The following HIRA variants were observed in gnomAD, a reference collection of about 807,000 sequenced individuals.
HIRA encodes the protein protein HIRA.
HIRA carries 13 observed loss-of-function variants against 126.6 expected under a neutral mutation model. That is an observed-to-expected ratio of 0.10 (90% CI 0.07 to 0.16). The LOEUF (loss-of-function observed/expected upper bound fraction) is 0.16. HIRA is among the 10% of genes least tolerant of loss of function. The pLI, the probability that HIRA is intolerant of heterozygous loss-of-function variation, is 1.00. For synonymous variants in HIRA, 511 were observed against 520.0 expected (o/e 0.98, Z 0.24); for missense variants, 834 against 1,314.4 (o/e 0.63, Z 5.65).
intron 15 of HIRA, among the ~76,000 whole-genome samples, chr22:19,363,940 G>C (rs988722682): frequency 1.3e-5 from 2 of 152,138 alleles, no homozygotes; most frequent in African/African-American, 4.8e-5. Context: ...GATATATAAT[G>C]ATGAATATAT....
intron 12 of HIRA, among the ~76,000 whole-genome samples, chr22:19,384,565 G>A (rs1024038720): frequency 6.6e-6 from 1 of 151,858 alleles, no homozygotes; most frequent in Non-Finnish European, 1.5e-5. Context: ...TGGCCGCCTC[G>A]CACAACAGCC....
intron 24 of HIRA, among the ~76,000 whole-genome samples, chr22:19,333,922 A>G (rs2088526161): frequency 6.6e-6 from 1 of 151,184 alleles, no homozygotes; most frequent in Non-Finnish European, 1.5e-5. Flanking sequence ...TAAACTCCAG[A>G]TTTCTGTTTA....
In HIRA at chr22:19,385,679, G is replaced by C; in HGVS notation, c.1171C>G (p.Leu391Val). The change falls in exon 12 of 25, where the codon CTC becomes GTC. Residue 391 changes from leucine to valine, a missense_variant. Leu to Val is a conservative substitution (Grantham distance 32). Coordinates refer to ENST00000263208, the MANE Select transcript of HIRA (RefSeq NM_003325.4). The stretch of plus-strand genomic sequence containing the variant: ...GGGTTCTCAATGACGGCTGTGGAGA[G>C]CTGGGCCTCGGTCATGATGGCTAGG... ...KSLAIMTEAQ[L>V]STAVIENPEM... is the part of the protein sequence containing the mutation. 1.2e-6 allele frequency: 2 copies of C among 1,614,202 alleles called. No homozygotes were observed. Among genetic ancestry groups the C allele is most frequent in the Non-Finnish European group, 1.7e-6 (2 of 1,180,034 alleles).
chr22:19,416,082 TG>T (rs1283661013), intron 1 of HIRA, among the ~76,000 whole-genome samples: 6 of 152,142 alleles, frequency 3.9e-5, no homozygotes, highest in Non-Finnish European at 7.4e-5. Context: ...TAAACTGTTG[TG>T]TATATGATCA....
chr22:19,407,055 G>T, intron 4 of HIRA, 129 bp downstream of exon 4: 1 of 714,866 alleles, frequency 1.4e-6, no homozygotes, highest in African/African-American at 1.7e-5. Context: ...TGACCTACAT[G>T]CACTTTCCAC....
chr22:19,374,942 T>C (rs2089003852), intron 15 of HIRA, among the ~76,000 whole-genome samples: 1 of 152,192 alleles, frequency 6.6e-6, no homozygotes, highest in South Asian at 2.1e-4. Context: ...GATGTGAACT[T>C]AGCTCCTTGT....
chr22:19,390,625 A>AAAAAAAAAAAAG (rs1569304503), intron 9 of HIRA, among the ~76,000 whole-genome samples: 4 of 148,658 alleles, frequency 2.7e-5, no homozygotes, highest in Admixed American at 6.7e-5. Flanking sequence ...AAAAAAAAAA[A>AAAAAAAAAAAAG]AAGAAGCTGA....
At chr22:19,378,961 G>T (rs1193934801) in intron 13 of HIRA, among the ~76,000 whole-genome samples, 2 of 152,146 alleles carry the variant, frequency 1.3e-5, no homozygotes, top group Middle Eastern at 3.4e-3. Context: ...CAAATTTCTT[G>T]ACACTTAACA....
chr22:19,392,341 T>G (rs1356022688), intron 8 of HIRA, 127 bp from the exon 9 acceptor site: 5 of 563,148 alleles, frequency 8.9e-6, no homozygotes, highest in East Asian at 8.7e-5. Context: ...TGAGCATGCA[T>G]TTCATCTTCC....
chr22:19,404,436 T>G (rs902991767), intron 5 of HIRA, among the ~76,000 whole-genome samples: 32 of 152,192 alleles, frequency 2.1e-4, no homozygotes, highest in African/African-American at 7.5e-4. Flanking sequence ...CCAACTAGAC[T>G]TCACTGTTAG....
chr22:19,361,912 C>A lies in HIRA; in HGVS notation c.1795G>T (p.Val599Leu). 2 of 1,614,214 alleles carry A rather than the reference C, an allele frequency of 1.2e-6. No homozygotes were observed. The highest frequency in any genetic ancestry group is 1.3e-5 in the African/African-American group (1 of 75,058). Residue 599 changes from valine (V) to leucine (L), a missense_variant, in exon 16 of 25, where the codon GTG (valine) becomes TTG (leucine). Around this residue, in one of 5 missense-constraint regions of HIRA, gnomAD observed 468 missense variants for 574.2 expected, o/e 0.82. Transcript: ENST00000263208. ...AVERLKEQNL[V>L]KELRPRDLLE... is the part of the protein sequence containing the mutation. ...AGGTCTCGGGGCCTCAGCTCTTTCA[C>A]AAGGTTCTGCTCTTTTAACCTGCAC... is the stretch of plus-strand genomic sequence containing the variant.
At chr22:19,378,136 AT>A in intron 13 of HIRA, 70 bp from the exon 14 acceptor site, 1 of 1,235,572 alleles carries the variant, frequency 8.1e-7, no homozygotes, top group Non-Finnish European at 1.1e-6. Flanking sequence ...ATACATTCAA[AT>A]AACTTTTTTC....
chr22:19,391,250 C>G (rs531688906), intron 9 of HIRA, among the ~76,000 whole-genome samples: 1 of 152,260 alleles, frequency 6.6e-6, no homozygotes, highest in East Asian at 1.9e-4. Context: ...CACAAAGAAG[C>G]AAGTACCACA....
chr22:19,355,924 A>C, intron 20 of HIRA, 59 bp from the exon 21 acceptor site: 1 of 1,209,872 alleles, frequency 8.3e-7, no homozygotes, highest in Non-Finnish European at 1.2e-6. Context: ...GTTTTCAAAC[A>C]TATCAAAGGA....
intron 24 of HIRA, among the ~76,000 whole-genome samples, chr22:19,348,043 G>A (rs1556009448): frequency 2.0e-5 from 3 of 152,174 alleles, no homozygotes; most frequent in African/African-American, 7.2e-5. Flanking sequence ...TATTCCAAAG[G>A]TACGCAACCT....
At chr22:19,383,579 A>G (rs2089096686) in intron 13 of HIRA, 41 bp downstream of exon 13, 4 of 1,488,400 alleles carry the variant, frequency 2.7e-6, no homozygotes, top group African/African-American at 2.8e-5. Flanking sequence ...AGACAGGAAG[A>G]TCTCGCCAGA....
rs141578108 is a variant in HIRA, at chr22:19,387,759, G to C, written c.1065C>G (p.Leu355=). The change falls in exon 11 of 25, where the codon CTC becomes CTG. Residue 355 remains leucine, a synonymous_variant. Coordinates refer to ENST00000263208, the MANE Select transcript of HIRA (RefSeq NM_003325.4). ...VCSMDGSVAF[L]DFSQDELGDP... is the part of the protein sequence containing the mutation. ...CGCCAAGCTCATCCTGGGAGAAGTCGAGGAATGCCACAGAGCCGTCCATAG... is the reference window on the plus strand; with the variant it reads ...CGCCAAGCTCATCCTGGGAGAAGTCCAGGAATGCCACAGAGCCGTCCATAG... The C allele has an allele frequency of 7.2e-4, 1,165 of 1,613,952 alleles. 14 individuals carry two copies. In the African/African-American group the frequency reaches 0.014, roughly 19 times the overall value.
chr22:19,405,724 G>A (rs913137559), intron 5 of HIRA, 62 bp downstream of exon 5: 68 of 1,190,756 alleles, frequency 5.7e-5, no homozygotes, highest in South Asian at 4.9e-4. Flanking sequence ...GGGACGTGGC[G>A]GTGCTGCTGA....
chr22:19,330,990 T>G lies in HIRA; in HGVS notation c.*450A>C. On this transcript the variant is annotated 3_prime_UTR_variant, in exon 25 of 25. Transcript: ENST00000263208. ...TTCTAGTACAAAAATAGTCCGTGTG[T>G]TGGAACAGCTTTCCTTTTACATAGG... 1 of 350,024 alleles carries G rather than the reference T, an allele frequency of 2.9e-6. No individual in the cohort carries two copies. Among genetic ancestry groups the G allele is most frequent in the Non-Finnish European group, 4.8e-6 (1 of 206,594 alleles). The allele number at this position is 350,024 out of a possible 1,614,324, so 21.7% of individuals were successfully genotyped here. A position where few individuals can be genotyped will look rare whatever the true frequency, so the allele number is the denominator to read the frequency against.
Sources: allele counts gnomAD v4.1 joint callset (sites outside exome capture counted in the v4.1 genomes callset), GRCh38; gene constraint gnomAD v4.1.1; regional missense constraint gnomAD v4.1.1; transcripts MANE v1.5; gene names NCBI Gene and HGNC (gene_info 2026-07-23, HGNC 2026-07-21).